DLG2: variants seen among roughly 807,000 people sequenced by gnomAD.
DLG2 encodes discs large MAGUK scaffold protein 2.
A neutral mutation model predicts 132.5 loss-of-function variants in DLG2; 45 were observed. That is an observed-to-expected ratio of 0.34 (90% CI 0.27 to 0.44). The LOEUF (loss-of-function observed/expected upper bound fraction) is 0.44, where lower values mean the gene tolerates loss of function less well. Among genes scored for constraint, DLG2 ranks in the 20% least tolerant of loss-of-function variants. The pLI is 1.00. For synonymous variants in DLG2, 424 were observed against 419.6 expected (o/e 1.01, Z -0.13); for missense variants, 1,045 against 1,196.9 (o/e 0.87, Z 1.87).
At chr11:85,229,119 C>T (rs1172965862) in intron 4 of DLG2, among the ~76,000 whole-genome samples, 2 of 151,800 alleles carry the variant, frequency 1.3e-5, no homozygotes, top group Non-Finnish European at 2.9e-5. Flanking sequence ...CTTCCATTTA[C>T]CCTCTTTCTG....
chr11:84,534,642 T>C lies in DLG2; in HGVS notation c.447A>G (p.Val149=). 2 of 1,614,098 alleles carry C rather than the reference T, an allele frequency of 1.2e-6. No homozygotes were observed. Residue 149 remains valine (V), a synonymous_variant, in exon 7 of 28, where the codon GTA becomes GTG. Coordinates refer to ENST00000376104, the MANE Select transcript of DLG2 (RefSeq NM_001142699.3). Reference sequence around the variant, plus strand: ...CTATTTGAGAGAGGTTCTTTTCTGATACATGCACGAGTTCTGGGCCTCTTA... The same window carrying C: ...CTATTTGAGAGAGGTTCTTTTCTGACACATGCACGAGTTCTGGGCCTCTTA... ...HEVRGPELVH[V]SEKNLSQIEN...
intron 15 of DLG2, among the ~76,000 whole-genome samples, chr11:83,878,109 G>C (rs2065236424): frequency 6.6e-6 from 1 of 152,276 alleles, no homozygotes; most frequent in South Asian, 2.1e-4. Flanking sequence ...ATGCTGCTCT[G>C]TTCTGCCATC....
At chr11:83,855,288 T>C (rs2060354471) in intron 16 of DLG2, among the ~76,000 whole-genome samples, 1 of 152,320 alleles carries the variant, frequency 6.6e-6, no homozygotes, top group East Asian at 1.9e-4. Flanking sequence ...ATACTCTTAC[T>C]ATATGATCCA....
intron 7 of DLG2, among the ~76,000 whole-genome samples, chr11:84,301,517 A>C (rs1458202583): frequency 6.6e-6 from 1 of 151,950 alleles, no homozygotes; most frequent in African/African-American, 2.4e-5. Context: ...AAAATTAGCC[A>C]GGCCTGGTGG....
chr11:85,138,528 C>T (rs1046916219), intron 5 of DLG2, among the ~76,000 whole-genome samples: 1 of 152,084 alleles, frequency 6.6e-6, no homozygotes, highest in Non-Finnish European at 1.5e-5. Flanking sequence ...TCCCATACTC[C>T]ACCTTCTTAT....
chr11:85,435,009 G>A (rs1296884492), intron 3 of DLG2, among the ~76,000 whole-genome samples: 1 of 152,152 alleles, frequency 6.6e-6, no homozygotes, highest in Non-Finnish European at 1.5e-5. Flanking sequence ...ATGCAAGGCT[G>A]GTTCAACATA....
At position 85,049,323 on chromosome 11, in the gene DLG2, C is replaced by A. The variant is rs563529044; in HGVS notation, c.357+62338G>T. On this transcript the variant is annotated intron_variant, in intron 6 of 27. Coordinates refer to ENST00000376104, the MANE Select transcript of DLG2 (RefSeq NM_001142699.3). ...GGAGTATTTAAAAAATTTGTATCTT[C>A]CTAAATAGACTATTTCCGTGAGGGT... Among the ~76,000 whole-genome samples the A allele has an allele frequency of 5.9e-5, 9 of 152,118 alleles. No homozygotes were observed. In the South Asian group the frequency reaches 1.9e-3, roughly 32 times the overall value.
intron 2 of DLG2, among the ~76,000 whole-genome samples, chr11:85,613,438 A>G (rs909008955): frequency 6.6e-6 from 1 of 152,152 alleles, no homozygotes; most frequent in Admixed American, 6.5e-5. Context: ...CCCGACAGCA[A>G]TTGGGGTGTC....
chr11:84,889,116 C>T (rs1357106471), intron 6 of DLG2, among the ~76,000 whole-genome samples: 1 of 107,718 alleles, frequency 9.3e-6, no homozygotes, highest in Non-Finnish European at 2.2e-5. Flanking sequence ...ATCTCTTAAA[C>T]TTACAGATAT....
chr11:84,803,052 G>A (rs1362269928), intron 6 of DLG2, among the ~76,000 whole-genome samples: 1 of 152,132 alleles, frequency 6.6e-6, no homozygotes, highest in Admixed American at 6.5e-5. Flanking sequence ...GCCCGCCTCG[G>A]CCTCCCAAAG....
chr11:84,939,990 G>A (rs1235636566), intron 6 of DLG2, among the ~76,000 whole-genome samples: 1 of 152,124 alleles, frequency 6.6e-6, no homozygotes, highest in Non-Finnish European at 1.5e-5. Flanking sequence ...AGCTTTCTGA[G>A]GATCCTGCAG....
At chr11:85,163,769 A>T (rs927646237) in intron 4 of DLG2, among the ~76,000 whole-genome samples, 2 of 152,158 alleles carry the variant, frequency 1.3e-5, no homozygotes, top group Non-Finnish European at 2.9e-5. Flanking sequence ...CCACCTTACT[A>T]ACCACCCTAT....
intron 6 of DLG2, among the ~76,000 whole-genome samples, chr11:84,581,669 G>C (rs1395529488): frequency 1.3e-5 from 2 of 151,872 alleles, no homozygotes. Context: ...AGCACTTTGG[G>C]AGGCCGAGGT....
At chr11:84,369,343 C>T (rs949402740) in intron 7 of DLG2, among the ~76,000 whole-genome samples, 3 of 151,992 alleles carry the variant, frequency 2.0e-5, no homozygotes, top group Admixed American at 1.3e-4. Flanking sequence ...AGTATAAGTT[C>T]CTGTAAGTTA....
chr11:84,048,709 T>C (rs1021998055), intron 11 of DLG2, among the ~76,000 whole-genome samples: 1 of 151,726 alleles, frequency 6.6e-6, no homozygotes, highest in Non-Finnish European at 1.5e-5. Context: ...ACTTTGTTTT[T>C]AGTTTCTACC....
chr11:85,216,683 C>G (rs193037586), intron 4 of DLG2, among the ~76,000 whole-genome samples: 14 of 152,038 alleles, frequency 9.2e-5, no homozygotes, highest in Admixed American at 5.9e-4. Flanking sequence ...TGAGAAGCAC[C>G]CTTATGGTTA....
At chr11:84,671,631 GAA>G (rs1565619473) in intron 6 of DLG2, among the ~76,000 whole-genome samples, 1 of 152,120 alleles carries the variant, frequency 6.6e-6, no homozygotes. Flanking sequence ...TCTCAGCAGA[GAA>G]AAAGAGACAA....
At chr11:84,825,131 A>T (rs2078178895) in intron 6 of DLG2, among the ~76,000 whole-genome samples, 1 of 151,878 alleles carries the variant, frequency 6.6e-6, no homozygotes, top group African/African-American at 2.4e-5. Flanking sequence ...GTGGGGAATC[A>T]TCTGCTCAAG....
At chr11:84,293,202 G>A (rs1184393694) in intron 7 of DLG2, among the ~76,000 whole-genome samples, 1 of 152,036 alleles carries the variant, frequency 6.6e-6, no homozygotes, top group Admixed American at 6.6e-5. Flanking sequence ...GCTTTAGGTG[G>A]ATAGATTTTG....
Sources: gnomAD v4.1 joint callset for allele counts (sites outside exome capture counted in the v4.1 genomes callset) on GRCh38, gnomAD v4.1.1 for gene constraint, MANE v1.5 for transcripts, NCBI Gene and HGNC (gene_info 2026-07-23, HGNC 2026-07-21) for gene names.